Variants in MCTP1 observed in about 807,000 individuals in gnomAD.
The protein encoded by MCTP1 is multiple C2 and transmembrane domain containing 1.
A neutral mutation model predicts 120.6 loss-of-function variants in MCTP1; 69 were observed. That is an observed-to-expected ratio of 0.57 (90% CI 0.47 to 0.70). The LOEUF is 0.70. MCTP1 is among the 30% of genes least tolerant of loss of function. The probability of loss-of-function intolerance (pLI) is 0.00; values close to 1 mark genes in which losing one functional copy is unlikely to be tolerated. For synonymous variants in MCTP1, 529 were observed against 493.1 expected (o/e 1.07, Z -0.96); for missense variants, 1,203 against 1,248.8 (o/e 0.96, Z 0.55).
At chr5:95,142,609 A>G (rs1040073156) in intron 1 of MCTP1, among the ~76,000 whole-genome samples, 1 of 152,190 alleles carries the variant, frequency 6.6e-6, no homozygotes, top group Non-Finnish European at 1.5e-5. Context: ...GAAAAAAGTC[A>G]TGAAAAGCTA....
chr5:95,171,351 C>T (rs1010550388), intron 1 of MCTP1, among the ~76,000 whole-genome samples: 2 of 152,130 alleles, frequency 1.3e-5, no homozygotes, highest in African/African-American at 4.8e-5. Context: ...ACATTTTTTC[C>T]TTCATTTCAA....
intron 2 of MCTP1, among the ~76,000 whole-genome samples, chr5:94,990,201 A>G (rs1831260499): frequency 6.6e-6 from 1 of 152,182 alleles, no homozygotes; most frequent in Non-Finnish European, 1.5e-5. Flanking sequence ...ACACTGGGTA[A>G]TTAGCGTTGA....
chr5:94,979,786 C>G (rs541738958), intron 2 of MCTP1, among the ~76,000 whole-genome samples: 2 of 151,956 alleles, frequency 1.3e-5, no homozygotes, highest in East Asian at 1.9e-4. Context: ...CCCTCCAACA[C>G]GGACACATAT....
At chr5:94,856,624 C>A (rs1794765484) in intron 17 of MCTP1, among the ~76,000 whole-genome samples, 1 of 151,624 alleles carries the variant, frequency 6.6e-6, no homozygotes, top group African/African-American at 2.4e-5. Context: ...AGCAGCAAAC[C>A]CGATGAGAAG....
chr5:95,222,122 C>T (rs981576199), intron 1 of MCTP1, among the ~76,000 whole-genome samples: 1 of 152,196 alleles, frequency 6.6e-6, no homozygotes, highest in Admixed American at 6.5e-5. Context: ...TGGGATGGCA[C>T]CCCATGAGGT....
At chr5:94,876,251 C>T (rs72775372) in intron 12 of MCTP1, among the ~76,000 whole-genome samples, 11,085 of 152,142 alleles carry the variant, frequency 0.073, 429 homozygotes, top group Non-Finnish European at 0.089. Flanking sequence ...TAGTGATGGA[C>T]CTAACCATTA....
chr5:95,076,247 C>A (rs1400631486), intron 1 of MCTP1, among the ~76,000 whole-genome samples: 1 of 152,084 alleles, frequency 6.6e-6, no homozygotes, highest in African/African-American at 2.4e-5. Context: ...CCATGGGTAA[C>A]TGAAACCTTG....
At chr5:95,174,897 T>G (rs559288525) in intron 1 of MCTP1, among the ~76,000 whole-genome samples, 1 of 152,354 alleles carries the variant, frequency 6.6e-6, no homozygotes, top group East Asian at 1.9e-4. Context: ...GTATTTTTCT[T>G]CTTACATAAT....
chr5:94,784,551 C>T (rs1419277963), intron 18 of MCTP1, among the ~76,000 whole-genome samples: 1 of 151,996 alleles, frequency 6.6e-6, no homozygotes, highest in Non-Finnish European at 1.5e-5. Context: ...TAATTGTATA[C>T]ATAATTCACT....
intron 19 of MCTP1, among the ~76,000 whole-genome samples, chr5:94,772,114 T>A (rs1774223754): frequency 6.6e-6 from 1 of 152,154 alleles, no homozygotes; most frequent in Admixed American, 6.5e-5. Flanking sequence ...TCTTGGTTAT[T>A]TCTTGGTCTT....
intron 17 of MCTP1, among the ~76,000 whole-genome samples, chr5:94,835,832 G>A (rs1036345522): frequency 1.3e-5 from 2 of 151,986 alleles, no homozygotes; most frequent in Non-Finnish European, 2.9e-5. Flanking sequence ...GTGAAACCCC[G>A]TCTCTACTAA....
chr5:94,852,089 T>C (rs1793861002), intron 17 of MCTP1, among the ~76,000 whole-genome samples: 1 of 151,902 alleles, frequency 6.6e-6, no homozygotes, highest in South Asian at 2.1e-4. Flanking sequence ...TTGAAAAAAG[T>C]ACAATATAAT....
chr5:94,938,430 T>C (rs1816740157), intron 5 of MCTP1, among the ~76,000 whole-genome samples: 1 of 152,052 alleles, frequency 6.6e-6, no homozygotes, highest in Non-Finnish European at 1.5e-5. Context: ...ATGGCCTTTG[T>C]GTGTGTTGTC....
chr5:94,866,375 CACATTCA>C (rs1203618978), intron 17 of MCTP1, among the ~76,000 whole-genome samples: 3 of 151,818 alleles, frequency 2.0e-5, no homozygotes, highest in Non-Finnish European at 4.4e-5. Flanking sequence ...TTGTTTTAAT[CACATTCA>C]ACAGAATGTG....
chr5:95,026,002 A>G (rs1839186857), intron 1 of MCTP1, among the ~76,000 whole-genome samples: 1 of 152,088 alleles, frequency 6.6e-6, no homozygotes, highest in Non-Finnish European at 1.5e-5. Context: ...CTTTTTATAT[A>G]AATAAAGAGA....
intron 2 of MCTP1, among the ~76,000 whole-genome samples, chr5:94,984,249 G>A (rs1830055081): frequency 6.6e-6 from 1 of 152,014 alleles, no homozygotes; most frequent in South Asian, 2.1e-4. Flanking sequence ...ACTAATTTTT[G>A]CTTGTTAAGA....
intron 19 of MCTP1, among the ~76,000 whole-genome samples, chr5:94,720,502 CAG>C (rs1760646267): frequency 6.6e-6 from 1 of 152,040 alleles, no homozygotes; most frequent in African/African-American, 2.4e-5. Flanking sequence ...ATTATGAAAT[CAG>C]AAAATATTTA....
At chr5:95,207,086 G>A (rs1374989313) in intron 1 of MCTP1, among the ~76,000 whole-genome samples, 1 of 152,094 alleles carries the variant, frequency 6.6e-6, no homozygotes, top group African/African-American at 2.4e-5. Context: ...ACTTAAGGGT[G>A]TGTCAGGAAA....
chr5:94,831,667 T>C (rs1467907759), intron 17 of MCTP1, among the ~76,000 whole-genome samples: 1 of 152,202 alleles, frequency 6.6e-6, no homozygotes, highest in Non-Finnish European at 1.5e-5. Flanking sequence ...TAAGAATCCT[T>C]TGTGTAATGA....
Sources: gnomAD v4.1 joint callset for allele counts (sites outside exome capture counted in the v4.1 genomes callset) on GRCh38, gnomAD v4.1.1 for gene constraint, MANE v1.5 for transcripts, NCBI Gene and HGNC (gene_info 2026-07-23, HGNC 2026-07-21) for gene names.